Variants in CPVL observed in about 807,000 individuals in gnomAD.
CPVL encodes the protein probable serine carboxypeptidase CPVL.
A neutral mutation model predicts 63.7 loss-of-function variants in CPVL; 51 were observed. The ratio of observed to expected loss-of-function variants is 0.80; its 90% CI spans 0.64 to 1.01. The LOEUF is 1.01. Among genes scored for constraint, CPVL ranks in the 50% least tolerant of loss-of-function variants. The pLI, the probability that CPVL is intolerant of heterozygous loss-of-function variation, is 0.00. For synonymous variants in CPVL, 195 were observed against 206.0 expected, an observed-to-expected ratio of 0.95 and a Z score of 0.46; for missense variants, 530 against 573.1, an observed-to-expected ratio of 0.92 and a Z score of 0.77.
intron 3 of CPVL, among the ~76,000 whole-genome samples, chr7:29,104,947 T>C (rs1787577202): frequency 6.6e-6 from 1 of 152,206 alleles, no homozygotes; most frequent in South Asian, 2.1e-4. Context: ...TGGTGATCTA[T>C]AACATCACCT....
At chr7:29,017,349 A>G (rs1263358698) in intron 12 of CPVL, among the ~76,000 whole-genome samples, 1 of 152,158 alleles carries the variant, frequency 6.6e-6, no homozygotes, top group Non-Finnish European at 1.5e-5. Context: ...AAAAAACCCA[A>G]TCGGCTGGGC....
At chr7:29,037,540 G>A in intron 11 of CPVL, among the ~76,000 whole-genome samples, 1 of 115,026 alleles carries the variant, frequency 8.7e-6, no homozygotes, top group Non-Finnish European at 1.7e-5. Flanking sequence ...GTGACAGAGT[G>A]AGACTCCATC....
intron 12 of CPVL, among the ~76,000 whole-genome samples, chr7:29,025,833 T>C (rs1161186717): frequency 1.3e-5 from 2 of 152,136 alleles, no homozygotes; most frequent in Non-Finnish European, 2.9e-5. Flanking sequence ...GCAAATAGTA[T>C]TGGATCTAAA....
At position 29,146,494 on chromosome 7, in the gene CPVL, C is replaced by G; in HGVS notation, c.-76G>C. The G allele has an allele frequency of 2.1e-6, 3 of 1,455,608 alleles. No homozygotes were observed. Among genetic ancestry groups the G allele is most frequent in the Non-Finnish European group, 2.7e-6 (3 of 1,104,322 alleles). The allele number at this position is 1,455,608 out of a possible 1,614,324, so 90.2% of individuals were successfully genotyped here. ...GGACCCCAGCCGGTTGTCCTTGCAGCGCTTCCCAAATCAGGCAGAAGTGAG... is the reference window on the plus strand; with the variant it reads ...GGACCCCAGCCGGTTGTCCTTGCAGGGCTTCCCAAATCAGGCAGAAGTGAG... On this transcript the variant is annotated 5_prime_UTR_variant, in exon 1 of 13. Transcript: ENST00000265394.
In CPVL at chr7:29,097,557, G is replaced by A. The variant is rs544160275; in HGVS notation, c.289-1340C>T. Among the ~76,000 whole-genome samples, 137 of 152,238 alleles carry A rather than the reference G, an allele frequency of 9.0e-4. 1 individual carries two copies. The South Asian group carries it at 9.5e-3, about 11-fold the overall frequency. On this transcript the variant is annotated intron_variant, in intron 3 of 12. Transcript: ENST00000265394. ...TAAAAATACAAAAAATTAGCTGGGC[G>A]TGATGGCGGGTACCTGTAATCCCAG...
At chr7:29,104,546 C>A (rs1475446754) in intron 3 of CPVL, among the ~76,000 whole-genome samples, 1 of 152,228 alleles carries the variant, frequency 6.6e-6, no homozygotes, top group Non-Finnish European at 1.5e-5. Context: ...TAGGCATGAG[C>A]CACTGCACCC....
At chr7:29,069,440 C>CAAA (rs34421309) in intron 9 of CPVL, among the ~76,000 whole-genome samples, 3 of 81,212 alleles carry the variant, frequency 3.7e-5, no homozygotes, top group East Asian at 3.4e-4. Context: ...GACTCCGTCT[C>CAAA]AAAAAAAAAA....
chr7:29,014,162 G>A (rs1012649187), intron 12 of CPVL, among the ~76,000 whole-genome samples: 1 of 152,114 alleles, frequency 6.6e-6, no homozygotes, highest in African/African-American at 2.4e-5. Context: ...CTGGTTTTCT[G>A]CCCACAGTCA....
intron 5 of CPVL, among the ~76,000 whole-genome samples, chr7:29,163,078 T>C (rs1227244588): frequency 1.3e-5 from 2 of 152,210 alleles, no homozygotes; most frequent in Non-Finnish European, 2.9e-5. Flanking sequence ...GTTGATGGAT[T>C]CATGGGATCT....
chr7:29,004,803 T>C (rs764807315), intron 12 of CPVL, among the ~76,000 whole-genome samples: 1 of 152,198 alleles, frequency 6.6e-6, no homozygotes, highest in South Asian at 2.1e-4. Flanking sequence ...AATGGTTGCT[T>C]ACTCTATGAA....
intron 12 of CPVL, chr7:29,011,427 T>C (rs1481917814): frequency 6.6e-6 from 1 of 152,090 alleles, no homozygotes; most frequent in African/African-American, 2.4e-5. Flanking sequence ...ATACAAAAAT[T>C]AGTCAGGTGT....
At chr7:29,058,735 A>G (rs1790992972) in intron 11 of CPVL, among the ~76,000 whole-genome samples, 1 of 152,066 alleles carries the variant, frequency 6.6e-6, no homozygotes, top group African/African-American at 2.4e-5. Context: ...TCTTGTTGGC[A>G]TGATTTCTGA....
chr7:29,066,345 T>C (rs1312508449), intron 9 of CPVL, among the ~76,000 whole-genome samples: 1 of 152,220 alleles, frequency 6.6e-6, no homozygotes, highest in Non-Finnish European at 1.5e-5. Context: ...GGAGCTTTTA[T>C]TCTGGTGGGG....
intron 1 of CPVL, among the ~76,000 whole-genome samples, chr7:29,121,309 T>A (rs1789348497): frequency 6.7e-6 from 1 of 148,830 alleles, no homozygotes; most frequent in South Asian, 2.1e-4. Context: ...AATTACTGAT[T>A]TTTTTTTTTT....
At chr7:29,120,198 G>T (rs1789215657) in intron 2 of CPVL, among the ~76,000 whole-genome samples, 1 of 152,112 alleles carries the variant, frequency 6.6e-6, no homozygotes, top group South Asian at 2.1e-4. Context: ...GAGGAGGGTG[G>T]ATCACCAAAG....
intron 11 of CPVL, among the ~76,000 whole-genome samples, chr7:29,060,057 T>C (rs1449780532): frequency 6.6e-6 from 1 of 152,192 alleles, no homozygotes; most frequent in Admixed American, 6.5e-5. Context: ...TGGAAGCCTG[T>C]CCATTCTTTT....
At chr7:29,102,693 A>G (rs1787275387) in intron 3 of CPVL, among the ~76,000 whole-genome samples, 1 of 152,112 alleles carries the variant, frequency 6.6e-6, no homozygotes, top group South Asian at 2.1e-4. Context: ...ATTGGAGCAC[A>G]AGAAGCAACT....
intron 5 of CPVL, among the ~76,000 whole-genome samples, chr7:29,162,155 A>G (rs1795256706): frequency 6.6e-6 from 1 of 152,242 alleles, no homozygotes; most frequent in Non-Finnish European, 1.5e-5. Flanking sequence ...ACAACTGAAC[A>G]ACAGTACCTC....
At chr7:29,082,408 A>G (rs317727) in intron 7 of CPVL, 134,135 of 152,258 alleles carry the variant, frequency 0.88, 59,323 homozygotes, top group African/African-American at 0.95. Context: ...CCAGGTCTCC[A>G]AATGATTAAT....
Sources: gnomAD v4.1 joint callset for allele counts (sites outside exome capture counted in the v4.1 genomes callset) on GRCh38, gnomAD v4.1.1 for gene constraint, MANE v1.5 for transcripts, NCBI Gene and HGNC (gene_info 2026-07-23, HGNC 2026-07-21) for gene names.